AGPS: variants seen among roughly 807,000 people sequenced by gnomAD.
AGPS encodes alkylglycerone phosphate synthase, also known as alkyldihydroxyacetonephosphate synthase, peroxisomal.
In AGPS, 26 loss-of-function variants were observed where a neutral mutation model predicts 90.7. The observed-to-expected ratio is 0.29, with a 90% confidence interval of 0.21 to 0.40. AGPS has a LOEUF of 0.40. Ranked by LOEUF, AGPS falls within the 10% of genes least tolerant of loss-of-function variation. The pLI, the probability that AGPS is intolerant of heterozygous loss-of-function variation, is 1.00. For missense variants in AGPS, 540 were observed against 816.1 expected, an observed-to-expected ratio of 0.66 and a Z score of 4.12; for synonymous variants, 294 against 285.3, an observed-to-expected ratio of 1.03 and a Z score of -0.31.
At chr2:177,422,240 G>A (rs1685961553) in intron 2 of AGPS, among the ~76,000 whole-genome samples, 1 of 151,972 alleles carries the variant, frequency 6.6e-6, no homozygotes, top group African/African-American at 2.4e-5. Flanking sequence ...GCTTTTTCAG[G>A]GTATGGAATA....
intron 1 of AGPS, 32 bp downstream of exon 1, chr2:177,393,081 C>G (rs997223154): frequency 6.5e-7 from 1 of 1,550,102 alleles, no homozygotes; most frequent in Non-Finnish European, 8.7e-7. Context: ...GAGTTAGCGT[C>G]GAGGGACCAG....
intron 8 of AGPS, 116 bp downstream of exon 8, chr2:177,445,742 T>A: frequency 1.5e-6 from 1 of 669,986 alleles, no homozygotes; most frequent in Non-Finnish European, 2.5e-6. Flanking sequence ...GAAATACCTT[T>A]TATGATACAT....
intron 5 of AGPS, among the ~76,000 whole-genome samples, chr2:177,438,283 T>C (rs1451386754): frequency 6.6e-6 from 1 of 152,180 alleles, no homozygotes; most frequent in Non-Finnish European, 1.5e-5. Flanking sequence ...GAGTTGGGCT[T>C]GGCAGTGCAT....
At chr2:177,519,831 A>G (rs1011126735) in intron 17 of AGPS, among the ~76,000 whole-genome samples, 7 of 152,222 alleles carry the variant, frequency 4.6e-5, no homozygotes, top group African/African-American at 1.7e-4. Flanking sequence ...GTGCAAAGTG[A>G]AAGCAAGTTT....
At chr2:177,535,551 A>C (rs903661752) in intron 19 of AGPS, among the ~76,000 whole-genome samples, 2 of 152,148 alleles carry the variant, frequency 1.3e-5, no homozygotes, top group Admixed American at 6.6e-5. Flanking sequence ...TTTCTTCTCC[A>C]AGATTAAGGC....
chr2:177,392,810 A>G lies in AGPS; in HGVS notation c.21A>G (p.Ala7=), dbSNP rs1266009972. The G allele has an allele frequency of 1.3e-6, 2 of 1,517,448 alleles. No homozygotes were observed. The highest frequency in any genetic ancestry group is 1.7e-6 in the Non-Finnish European group (2 of 1,144,474). The allele number at this position is 1,517,448 out of a possible 1,614,324, so 94.0% of individuals were successfully genotyped here. A position where few individuals can be genotyped will look rare whatever the true frequency, so the allele number is the denominator to read the frequency against. The change falls in exon 1 of 20, where the codon GCA becomes GCG. Residue 7 remains alanine (A), a synonymous_variant. Coordinates refer to ENST00000264167, the MANE Select transcript of AGPS (RefSeq NM_003659.4). ...TAGCCATGGCGGAGGCGGCGGCTGC[A>G]GCGGGTGGGACTGGCTTGGGCGCGG... The part of the protein sequence containing the change: MAEAAA[A]AGGTGLGAGA...
chr2:177,405,157 C>T (rs1037242488), intron 1 of AGPS, among the ~76,000 whole-genome samples: 3 of 152,188 alleles, frequency 2.0e-5, no homozygotes, highest in Admixed American at 6.5e-5. Flanking sequence ...TTTTTCTGCT[C>T]TTCTGTCCAA....
intron 2 of AGPS, among the ~76,000 whole-genome samples, chr2:177,431,455 A>C (rs1205904643): frequency 6.6e-6 from 1 of 152,134 alleles, no homozygotes; most frequent in Non-Finnish European, 1.5e-5. Flanking sequence ...AACCGGTCTG[A>C]CCTCAAATTT....
Position 177,513,889 on chromosome 2 carries a change from G to T in AGPS, c.1678G>T (p.Ala560Ser), listed in dbSNP as rs1411152201. 6.2e-7 allele frequency: 1 copy of T among 1,613,316 alleles called. No individual in the cohort carries two copies. Among genetic ancestry groups the T allele is most frequent in the Non-Finnish European group, 8.5e-7 (1 of 1,179,436 alleles). The stretch of plus-strand genomic sequence containing the variant: ...ATGCAAAGAGAAGGGTGTTCAGTTT[G>T]CTCCTTTTTCTACATGCAGGTAAGT... The part of the protein sequence containing the change: ...RECKEKGVQF[A>S]PFSTCRVTQT... Residue 560 changes from alanine to serine, a missense_variant, in exon 17 of 20, where the codon GCT (alanine) becomes TCT (serine). By Grantham distance (99) the Ala-to-Ser change is moderately conservative (BLOSUM62 1). Transcript: ENST00000264167.
intron 10 of AGPS, among the ~76,000 whole-genome samples, chr2:177,479,870 T>A (rs994491817): frequency 1.3e-5 from 2 of 152,162 alleles, no homozygotes; most frequent in Non-Finnish European, 2.9e-5. Flanking sequence ...CACATGTCTG[T>A]GAATATAACG....
intron 1 of AGPS, among the ~76,000 whole-genome samples, chr2:177,409,231 G>GTT (rs11305351): frequency 1.3e-5 from 2 of 149,384 alleles, no homozygotes; most frequent in Non-Finnish European, 3.0e-5. Context: ...GTTTTGTTTT[G>GTT]TTTTTTTTTC....
rs764332180 is a variant in AGPS at position 177,393,022 on chromosome 2, A to G, written c.233A>G (p.Gln78Arg). The G allele has an allele frequency of 4.0e-5, 62 of 1,550,212 alleles. 1 individual carries two copies. Among genetic ancestry groups the G allele is most frequent in the South Asian group, 3.6e-4 (30 of 84,068 alleles). ...TAAPTATPAA[Q>R]ESGTIPKKRQ... ...GCGCCCACGGCCACTCCCGCCGCGC[A>G]GGAGTCGGGCACCATCCCAAAGAAG... Residue 78 changes from glutamine to arginine, a missense_variant, in exon 1 of 20, where the codon CAG (glutamine) becomes CGG (arginine). This residue lies in a region of AGPS where 135 missense variants were observed against 124.0 expected (regional missense o/e 1.09). Transcript: ENST00000264167.
rs36151985 is a variant in AGPS, at chr2:177,434,997, G to GGGTATATATATATATATATATA, written c.441+580_441+581insGGTATATATATATATATATATA. ...GGGATTAGGAAACTTTAAACTGTAG[G>GGGTATATATATATATATATATA]TATATATATATATATATATATATAT... is the stretch of plus-strand genomic sequence containing the variant. On this transcript the variant is annotated intron_variant, in intron 3 of 19. Transcript: ENST00000264167. 4.6e-4 allele frequency among the ~76,000 whole-genome samples: 59 copies of GGGTATATATATATATATATATA among 128,116 alleles called. 1 individual carries two copies. The highest frequency in any genetic ancestry group is 9.2e-4 in the African/African-American group (30 of 32,638). 84.0% of individuals were successfully genotyped at this position (128,116 alleles called of 152,430 possible). A position where few individuals can be genotyped will look rare whatever the true frequency, so the allele number is the denominator to read the frequency against.
chr2:177,482,362 C>T (rs1446993165), intron 11 of AGPS, among the ~76,000 whole-genome samples, 176 bp downstream of exon 11: 1 of 151,856 alleles, frequency 6.6e-6, no homozygotes, highest in African/African-American at 2.4e-5. Flanking sequence ...TACAGTCATC[C>T]TTTAAGTGCA....
intron 18 of AGPS, among the ~76,000 whole-genome samples, chr2:177,522,523 C>T (rs1050994188): frequency 6.6e-6 from 1 of 152,090 alleles, no homozygotes; most frequent in African/African-American, 2.4e-5. Flanking sequence ...GATCTCGGCT[C>T]ACTGCAACCT....
At chr2:177,470,892 CTT>C (rs1322522094) in intron 10 of AGPS, among the ~76,000 whole-genome samples, 2 of 151,928 alleles carry the variant, frequency 1.3e-5, no homozygotes, top group Admixed American at 1.3e-4. Flanking sequence ...ATTTCCATGA[CTT>C]TGTATAAGTT....
intron 1 of AGPS, among the ~76,000 whole-genome samples, chr2:177,398,429 A>G (rs960380236): frequency 1.3e-5 from 2 of 152,202 alleles, no homozygotes; most frequent in Admixed American, 6.5e-5. Context: ...CTATATGTAC[A>G]TTACAGTTGA....
chr2:177,504,758 T>A (rs999873715), intron 14 of AGPS, among the ~76,000 whole-genome samples: 5 of 152,242 alleles, frequency 3.3e-5, no homozygotes, highest in African/African-American at 1.2e-4. Flanking sequence ...TTTTAATTTC[T>A]GTATGATAAT....
chr2:177,488,894 T>C (rs1208602789), intron 11 of AGPS, among the ~76,000 whole-genome samples: 1 of 152,136 alleles, frequency 6.6e-6, no homozygotes, highest in Non-Finnish European at 1.5e-5. Context: ...CCTTATGACA[T>C]TACGTTAGCA....
Sources: allele counts gnomAD v4.1 joint callset (sites outside exome capture counted in the v4.1 genomes callset), GRCh38; gene constraint gnomAD v4.1.1; regional missense constraint gnomAD v4.1.1; transcripts MANE v1.5; gene names NCBI Gene and HGNC (gene_info 2026-07-23, HGNC 2026-07-21).